URB1: variants seen among roughly 807,000 people sequenced by gnomAD.
URB1 encodes URB1 ribosome biogenesis factor.
In URB1, 197 loss-of-function variants were observed where a neutral mutation model predicts 242.3. The observed-to-expected ratio is 0.81, with a 90% CI of 0.72 to 0.91. URB1 has a LOEUF of 0.91. URB1 is among the 40% of genes least tolerant of loss of function. URB1 has a pLI of 0.00. For missense variants in URB1, 2,721 were observed against 2,860.5 expected (o/e 0.95, Z 1.11); for synonymous variants, 1,153 against 1,201.8 (o/e 0.96, Z 0.84).
chr21:32,367,913 A>T (rs143360532), intron 9 of URB1, among the ~76,000 whole-genome samples: 228 of 152,356 alleles, frequency 1.5e-3, no homozygotes, highest in African/African-American at 5.4e-3. Flanking sequence ...CCTCAAATTC[A>T]GCTCAGTGAA....
chr21:32,347,058 C>T lies in URB1; in HGVS notation c.3766G>A (p.Gly1256Ser). 6.5e-7 allele frequency: 1 copy of T among 1,550,320 alleles called. No homozygotes were observed. Among genetic ancestry groups the T allele is most frequent in the South Asian group, 1.2e-5 (1 of 83,996 alleles). ...LWFEQWCLQA[G>S]PGLGLQGDLD... is the part of the protein sequence containing the mutation. ...TCCCCCTGGAGGCCGAGCCCTGGGCCAGCCTGCAGGCACCACTGCTCGAAC... is the reference window on the plus strand; with the variant it reads ...TCCCCCTGGAGGCCGAGCCCTGGGCTAGCCTGCAGGCACCACTGCTCGAAC... Residue 1256 changes from glycine (G) to serine (S), a missense_variant, in exon 22 of 39, where the codon GGC becomes AGC. Gly to Ser is a moderately conservative substitution (Grantham distance 56). Transcript: ENST00000382751.
At chr21:32,376,882 G>A (rs978692826) in intron 5 of URB1, among the ~76,000 whole-genome samples, 1 of 151,860 alleles carries the variant, frequency 6.6e-6, no homozygotes, top group Admixed American at 6.6e-5. Context: ...ATGGTCTCAA[G>A]AACTCCCGGG....
intron 1 of URB1, among the ~76,000 whole-genome samples, chr21:32,390,026 T>A (rs1408650634): frequency 2.6e-5 from 4 of 152,192 alleles, no homozygotes; most frequent in Non-Finnish European, 4.4e-5. Flanking sequence ...TCATAGGTTA[T>A]GAGAGCGTAT....
intron 10 of URB1, 44 bp downstream of exon 10, chr21:32,366,574 T>C: frequency 6.5e-7 from 1 of 1,548,920 alleles, no homozygotes; most frequent in Non-Finnish European, 8.7e-7. Context: ...CCAGCGAGTT[T>C]AGCTGGAGGC....
At chr21:32,340,015 G>A (rs2033010669) in intron 25 of URB1, among the ~76,000 whole-genome samples, 1 of 152,166 alleles carries the variant, frequency 6.6e-6, no homozygotes, top group Non-Finnish European at 1.5e-5. Context: ...ACTAAGGAAA[G>A]GAAAGCAACA....
chr21:32,331,954 C>T (rs2123558251), intron 30 of URB1, among the ~76,000 whole-genome samples: 1 of 152,350 alleles, frequency 6.6e-6, no homozygotes, highest in Non-Finnish European at 1.5e-5. Flanking sequence ...GGACTTTCAG[C>T]ATGCCCAGCA....
intron 34 of URB1, among the ~76,000 whole-genome samples, chr21:32,321,457 T>A (rs1466567830): frequency 6.6e-6 from 1 of 152,156 alleles, no homozygotes; most frequent in Non-Finnish European, 1.5e-5. Context: ...GTTTCTAGAC[T>A]TGTGACCACT....
In URB1 at chr21:32,366,611, G is replaced by C. The variant is rs10222086; in HGVS notation, c.1335+7C>G. On this transcript the variant is annotated splice_region_variant and intron_variant, in intron 10 of 38. Transcript: ENST00000382751. The stretch of plus-strand genomic sequence containing the variant: ...GTTCCAGAAGTGGGGCAACCACATG[G>C]CCTTACGTTTAATGCTTGGGTGAAC... 167,924 of 1,551,138 alleles carry C rather than the reference G, an allele frequency of 0.11. 10,745 individuals carry two copies. The highest frequency in any genetic ancestry group is 0.29 in the African/African-American group (20,904 of 73,070).
intron 36 of URB1, among the ~76,000 whole-genome samples, chr21:32,318,680 A>G (rs761925360): frequency 3.9e-5 from 6 of 152,180 alleles, no homozygotes; most frequent in Non-Finnish European, 8.8e-5. Context: ...TTTCTGTAAC[A>G]TGGTAGAATT....
chr21:32,376,935 T>G (rs1428120141), intron 5 of URB1, among the ~76,000 whole-genome samples: 2 of 152,158 alleles, frequency 1.3e-5, no homozygotes. Flanking sequence ...ATGCTGGGAT[T>G]ACAGGTGTGA....
Position 32,314,116 on chromosome 21 carries a change from T to C in URB1, c.*802A>G, listed in dbSNP as rs2032638670. Reference sequence around the variant, plus strand: ...TTTCTTTAATAAAATAATTAAACACTGGCAGAAATTAACTTATTCAAAAAG... The same window carrying C: ...TTTCTTTAATAAAATAATTAAACACCGGCAGAAATTAACTTATTCAAAAAG... On this transcript the variant is annotated 3_prime_UTR_variant, in exon 39 of 39. Transcript: ENST00000382751. The C allele has an allele frequency of 1.2e-5, 2 of 164,294 alleles. No homozygotes were observed. The highest frequency in any genetic ancestry group is 2.7e-5 in the Non-Finnish European group (2 of 75,186). 10.2% of individuals were successfully genotyped at this position (164,294 alleles called of 1,614,324 possible).
chr21:32,360,978 CG>C (rs901967577), intron 13 of URB1, 28 bp downstream of exon 13: 32 of 1,481,648 alleles, frequency 2.2e-5, no homozygotes, highest in Non-Finnish European at 2.9e-5. Context: ...GCAACAGTGG[CG>C]GCTTGTCTGC....
At chr21:32,321,268 T>C (rs2032762110) in intron 34 of URB1, among the ~76,000 whole-genome samples, 1 of 152,256 alleles carries the variant, frequency 6.6e-6, no homozygotes, top group Non-Finnish European at 1.5e-5. Flanking sequence ...TTCTACCACC[T>C]ACCTGTAATA....
At chr21:32,357,325 A>AC (rs1359160002) in intron 15 of URB1, among the ~76,000 whole-genome samples, 8 of 152,174 alleles carry the variant, frequency 5.3e-5, no homozygotes, top group Non-Finnish European at 1.2e-4. Context: ...AAAAAAAAAA[A>AC]AAAAAAACAT....
chr21:32,389,918 G>A (rs1196678721), intron 1 of URB1, among the ~76,000 whole-genome samples: 2 of 152,126 alleles, frequency 1.3e-5, no homozygotes, highest in East Asian at 1.9e-4. Context: ...TCCACTACAC[G>A]AAGGGAGCAT....
chr21:32,368,575 T>A lies in URB1; in HGVS notation c.1025A>T (p.His342Leu). The change falls in exon 9 of 39, where the codon CAC becomes CTC. Residue 342 changes from histidine to leucine, a missense_variant. Physicochemically the swap from His to Leu is moderately conservative, Grantham distance 99. Coordinates refer to ENST00000382751, the MANE Select transcript of URB1 (RefSeq NM_014825.3). ...TGCAGTTTTCAAACCCAGCAAGAAG[T>A]GCAAGAGTGTCAGGTTTCCGCCTCT... ...FGRGGNLTLL[H>L]FLLGLKTAAD... 1.3e-6 allele frequency: 2 copies of A among 1,551,000 alleles called. No homozygotes were observed. The highest frequency in any genetic ancestry group is 1.7e-6 in the Non-Finnish European group (2 of 1,146,734).
intron 30 of URB1, among the ~76,000 whole-genome samples, chr21:32,326,059 C>CTCA (rs1272124210): frequency 2.0e-5 from 3 of 152,116 alleles, no homozygotes; most frequent in African/African-American, 7.2e-5. Flanking sequence ...GAGGAGAAGA[C>CTCA]TCACAGAGAG....
chr21:32,344,565 C>CT lies in URB1; in HGVS notation c.4257+4dup, dbSNP rs777839282. The CT allele has an allele frequency of 3.0e-5, 46 of 1,551,712 alleles. No homozygotes were observed. The highest frequency in any genetic ancestry group is 4.0e-5 in the Non-Finnish European group (46 of 1,146,846). On this transcript the variant is annotated splice_donor_region_variant and intron_variant, in intron 24 of 38. Coordinates refer to ENST00000382751, the MANE Select transcript of URB1 (RefSeq NM_014825.3). ...TAATCTGGATCTCTAAGAAAAGACA[C>CT]TTACCAACAACGCATTTAATCTAAG...
At chr21:32,373,558 T>C in intron 7 of URB1, 89 bp downstream of exon 7, 2 of 1,378,434 alleles carry the variant, frequency 1.5e-6, no homozygotes, top group Admixed American at 3.2e-5. Context: ...GGACTTCAAG[T>C]CTGGTGCGGT....
Sources: allele counts gnomAD v4.1 joint callset (sites outside exome capture counted in the v4.1 genomes callset), GRCh38; gene constraint gnomAD v4.1.1; transcripts MANE v1.5; gene names NCBI Gene and HGNC (gene_info 2026-07-23, HGNC 2026-07-21).